SLC44A5: variants seen among roughly 807,000 people sequenced by gnomAD.
SLC44A5 encodes choline transporter-like protein 5.
In SLC44A5, 57 loss-of-function variants were observed where a neutral mutation model predicts 101.8. The ratio of observed to expected loss-of-function variants is 0.56; its 90% CI spans 0.45 to 0.70. The LOEUF is 0.70. Among genes scored for constraint, SLC44A5 ranks in the 30% least tolerant of loss-of-function variants. SLC44A5 has a pLI of 0.00. For missense variants in SLC44A5, 737 were observed against 853.1 expected, an observed-to-expected ratio of 0.86 and a Z score of 1.70; for synonymous variants, 281 against 290.9, an observed-to-expected ratio of 0.97 and a Z score of 0.35.
chr1:75,465,038 T>C, intron 2 of SLC44A5, among the ~76,000 whole-genome samples: 1 of 152,124 alleles, frequency 6.6e-6, no homozygotes, highest in East Asian at 1.9e-4. Context: ...ACCAAATGGA[T>C]CTAATAGATA....
At chr1:75,444,323 A>G (rs528380003) in intron 2 of SLC44A5, among the ~76,000 whole-genome samples, 6 of 146,334 alleles carry the variant, frequency 4.1e-5, no homozygotes, top group Non-Finnish European at 9.0e-5. Flanking sequence ...TCAAAAAAAA[A>G]AAAAAGAAAG....
chr1:75,326,259 C>T (rs567561112), intron 4 of SLC44A5, among the ~76,000 whole-genome samples: 137 of 128,906 alleles, frequency 1.1e-3, no homozygotes, highest in Middle Eastern at 4.3e-3. Context: ...TCTATTCTTA[C>T]TGCTTTTTTT....
chr1:75,527,936 T>C (rs1165906353), intron 2 of SLC44A5, among the ~76,000 whole-genome samples: 1 of 152,234 alleles, frequency 6.6e-6, no homozygotes, highest in Non-Finnish European at 1.5e-5. Context: ...AACTTCACTC[T>C]GTAATTGCTC....
intron 2 of SLC44A5, among the ~76,000 whole-genome samples, chr1:75,446,401 C>A (rs1315552991): frequency 6.6e-6 from 1 of 152,044 alleles, no homozygotes; most frequent in Non-Finnish European, 1.5e-5. Flanking sequence ...TTGAATGGTA[C>A]CCCAGAAATG....
chr1:75,437,295 A>G (rs1007261377), intron 2 of SLC44A5, among the ~76,000 whole-genome samples: 2 of 152,100 alleles, frequency 1.3e-5, no homozygotes, highest in Non-Finnish European at 2.9e-5. Context: ...CTCAACTACA[A>G]TATTACAATG....
At chr1:75,652,134 T>C in the SLC44A5 span, among the ~76,000 whole-genome samples, 9 of 152,108 alleles carry the variant, frequency 5.9e-5, no homozygotes, top group Admixed American at 5.2e-4. Context: ...GTGCACAATT[T>C]CAATAAACAC....
At chr1:75,522,662 A>G (rs1670200485) in intron 2 of SLC44A5, among the ~76,000 whole-genome samples, 2 of 152,182 alleles carry the variant, frequency 1.3e-5, no homozygotes, top group Admixed American at 6.5e-5. Context: ...CCTGTCCCCA[A>G]ACAACCTTGA....
chr1:75,609,729 A>G (rs1675540116), intron 1 of SLC44A5, among the ~76,000 whole-genome samples: 1 of 152,108 alleles, frequency 6.6e-6, no homozygotes, highest in South Asian at 2.1e-4. Context: ...ACTAAATAGG[A>G]AAGAGGGCTA....
chr1:75,319,618 G>A (rs1323918600), intron 4 of SLC44A5, among the ~76,000 whole-genome samples: 1 of 152,176 alleles, frequency 6.6e-6, no homozygotes, highest in African/African-American at 2.4e-5. Context: ...CCCCACAAGA[G>A]GCAAGACTAT....
At chr1:75,577,065 G>C (rs1673412674) in intron 1 of SLC44A5, among the ~76,000 whole-genome samples, 1 of 152,110 alleles carries the variant, frequency 6.6e-6, no homozygotes, top group Admixed American at 6.5e-5. Context: ...GCATCTCATT[G>C]ACTCTTCTCT....
Position 75,242,913 on chromosome 1 carries a change from G to T in SLC44A5, c.444C>A (p.Phe148Leu), listed in dbSNP as rs754110872. The T allele has an allele frequency of 2.5e-6, 4 of 1,611,836 alleles. No individual in the cohort carries two copies. Among genetic ancestry groups the T allele is most frequent in the Non-Finnish European group, 3.4e-6 (4 of 1,178,866 alleles). ...TCACAGGCTTAGCAGTGGTCTTACA[G>T]AACTGACGGTAGTCTTCCCAGTAGC... Reference protein sequence around the residue: ...DKSYWEDYRQFCKTTAKPVKS... With the variant: ...DKSYWEDYRQLCKTTAKPVKS... The change falls in exon 8 of 24, where the codon TTC (phenylalanine) becomes TTA (leucine). Residue 148 changes from phenylalanine to leucine, a missense_variant. Coordinates refer to ENST00000370859, the MANE Select transcript of SLC44A5 (RefSeq NM_001130058.2).
the SLC44A5 span, among the ~76,000 whole-genome samples, chr1:75,697,663 T>A: frequency 0.044 from 6,713 of 152,186 alleles, 203 homozygotes; most frequent in African/African-American, 0.092. Context: ...GATGGCCGAA[T>A]AGGGACAGCT....
chr1:75,238,695 C>A, intron 9 of SLC44A5, 59 bp from the exon 10 acceptor site: 1 of 1,177,210 alleles, frequency 8.5e-7, no homozygotes, highest in Non-Finnish European at 1.2e-6. Flanking sequence ...TAATGATGTC[C>A]TCCCTTTCTT....
chr1:75,470,590 G>C (rs1156785811), intron 2 of SLC44A5, among the ~76,000 whole-genome samples: 1 of 152,160 alleles, frequency 6.6e-6, no homozygotes, highest in African/African-American at 2.4e-5. Flanking sequence ...CAGACGTGAG[G>C]GGGAGGGAAT....
intron 3 of SLC44A5, among the ~76,000 whole-genome samples, chr1:75,348,910 T>C (rs1477667485): frequency 1.3e-5 from 2 of 152,136 alleles, no homozygotes; most frequent in Admixed American, 6.5e-5. Flanking sequence ...GAAACGAAAG[T>C]CACAGCAAAT....
chr1:75,708,685 T>G, the SLC44A5 span, among the ~76,000 whole-genome samples: 22 of 152,090 alleles, frequency 1.4e-4, no homozygotes, highest in Admixed American at 4.6e-4. Flanking sequence ...ATGTTCATGA[T>G]TACTATATTT....
chr1:75,572,201 C>G (rs548807750), intron 1 of SLC44A5, among the ~76,000 whole-genome samples: 78 of 152,214 alleles, frequency 5.1e-4, no homozygotes, highest in Middle Eastern at 3.4e-3. Context: ...GTCCATGGAA[C>G]AGTGAAAGTA....
the SLC44A5 span, chr1:75,720,503 G>T: frequency 1.3e-5 from 2 of 152,226 alleles, no homozygotes; most frequent in African/African-American, 4.8e-5. Context: ...AAATGTAGAT[G>T]AAAGATTGTT....
intron 2 of SLC44A5, among the ~76,000 whole-genome samples, chr1:75,505,748 T>C (rs1382022134): frequency 1.3e-5 from 2 of 152,206 alleles, no homozygotes; most frequent in Admixed American, 6.5e-5. Flanking sequence ...GGATTTCAGA[T>C]ATTGGACCTT....
Sources: gnomAD v4.1 joint callset for allele counts (sites outside exome capture counted in the v4.1 genomes callset) on GRCh38, gnomAD v4.1.1 for gene constraint, MANE v1.5 for transcripts, NCBI Gene and HGNC (gene_info 2026-07-23, HGNC 2026-07-21) for gene names.